SND1: variants seen among roughly 807,000 people sequenced by gnomAD.
The protein encoded by SND1 is staphylococcal nuclease and tudor domain containing 1.
SND1 carries 38 observed loss-of-function variants against 121.7 expected under a neutral mutation model. That is an observed-to-expected ratio of 0.31 (90% CI 0.24 to 0.41). SND1 has a LOEUF of 0.41. SND1 is among the 10% of genes least tolerant of loss of function. The probability of loss-of-function intolerance (pLI) is 1.00; values close to 1 mark genes in which losing one functional copy is unlikely to be tolerated. For missense variants in SND1, 868 were observed against 1,184.6 expected, an observed-to-expected ratio of 0.73 and a Z score of 3.92; for synonymous variants, 401 against 447.4, an observed-to-expected ratio of 0.90 and a Z score of 1.31.
chr7:127,844,840 A>C (rs1373254854), intron 12 of SND1, among the ~76,000 whole-genome samples: 1 of 152,210 alleles, frequency 6.6e-6, no homozygotes, highest in Non-Finnish European at 1.5e-5. Flanking sequence ...GTATGTAATC[A>C]GTAGACGATG....
Position 128,024,691 on chromosome 7 carries a change from A to G in SND1, c.1779+33635A>G, listed in dbSNP as rs139160040. On this transcript the variant is annotated intron_variant, in intron 16 of 23. Coordinates refer to ENST00000354725, the MANE Select transcript of SND1 (RefSeq NM_014390.4). ...GATAAAGCTAATGTCTCTAGGCCTT[A>G]GAAACTAGCCTATCTACCTTTACCT... Among the ~76,000 whole-genome samples, 471 of 152,360 alleles carry G rather than the reference A, an allele frequency of 3.1e-3. 3 individuals carry two copies. Among genetic ancestry groups the G allele is most frequent in the Middle Eastern group, 0.014 (4 of 294 alleles).
intron 3 of SND1, among the ~76,000 whole-genome samples, chr7:127,698,158 C>A (rs1014299860): frequency 2.0e-5 from 3 of 151,962 alleles, no homozygotes; most frequent in Non-Finnish European, 4.4e-5. Context: ...AGAAATCTAG[C>A]CTGTGTTCTC....
chr7:127,735,628 T>C (rs925926049), intron 10 of SND1, among the ~76,000 whole-genome samples: 2 of 152,076 alleles, frequency 1.3e-5, no homozygotes, highest in Non-Finnish European at 2.9e-5. Context: ...TTTTTTGTTG[T>C]TGTTGTTGTT....
intron 1 of SND1, among the ~76,000 whole-genome samples, chr7:127,664,113 C>T (rs1475263900): frequency 6.6e-6 from 1 of 152,200 alleles, no homozygotes; most frequent in African/African-American, 2.4e-5. Context: ...GCAGCCTCAG[C>T]CTGCCAGGCT....
intron 14 of SND1, among the ~76,000 whole-genome samples, chr7:127,911,968 T>TTC (rs1554442163): frequency 6.6e-6 from 1 of 152,004 alleles, no homozygotes; most frequent in African/African-American, 2.4e-5. Flanking sequence ...CATGGTTTGT[T>TTC]TCTCTCTCTC....
chr7:127,833,635 C>T (rs1798806140), intron 11 of SND1, among the ~76,000 whole-genome samples: 1 of 152,050 alleles, frequency 6.6e-6, no homozygotes, highest in Admixed American at 6.6e-5. Flanking sequence ...TGCCTCGCTC[C>T]TGCCGCTGTT....
intron 11 of SND1, among the ~76,000 whole-genome samples, chr7:127,825,113 TA>T (rs772185903): frequency 1.2e-4 from 19 of 152,296 alleles, no homozygotes; most frequent in African/African-American, 3.6e-4. Context: ...TTAAAACATA[TA>T]TTTTTTTTAA....
At chr7:128,041,827 T>A (rs1451694687) in intron 16 of SND1, among the ~76,000 whole-genome samples, 1 of 152,168 alleles carries the variant, frequency 6.6e-6, no homozygotes, top group East Asian at 1.9e-4. Context: ...CCAACACCAC[T>A]CCAAGCCATG....
At chr7:127,918,178 T>C (rs1383648137) in intron 14 of SND1, among the ~76,000 whole-genome samples, 1 of 151,618 alleles carries the variant, frequency 6.6e-6, no homozygotes, top group African/African-American at 2.4e-5. Context: ...GATTCTCATG[T>C]CTCCCGAGAA....
chr7:128,009,572 A>G (rs1347363050), intron 16 of SND1, among the ~76,000 whole-genome samples: 4 of 152,182 alleles, frequency 2.6e-5, no homozygotes, highest in African/African-American at 9.7e-5. Flanking sequence ...GGTTTATACA[A>G]CTGATTAATA....
chr7:128,046,046 C>T (rs1792940050), intron 16 of SND1, among the ~76,000 whole-genome samples: 1 of 152,180 alleles, frequency 6.6e-6, no homozygotes, highest in Non-Finnish European at 1.5e-5. Context: ...TTTCCTCCAC[C>T]CCAATGATTG....
chr7:127,867,677 T>C (rs1159251599), intron 12 of SND1, among the ~76,000 whole-genome samples: 8 of 152,328 alleles, frequency 5.3e-5, no homozygotes, highest in African/African-American at 1.9e-4. Flanking sequence ...GCTGTCAGTG[T>C]AGAATAACTC....
chr7:127,687,998 T>C (rs1795845598), intron 2 of SND1, among the ~76,000 whole-genome samples: 1 of 152,164 alleles, frequency 6.6e-6, no homozygotes, highest in Non-Finnish European at 1.5e-5. Context: ...TCCAGATTCT[T>C]AATCTGGGAT....
intron 16 of SND1, among the ~76,000 whole-genome samples, chr7:128,054,715 C>T (rs1027760793): frequency 2.6e-5 from 4 of 152,164 alleles, no homozygotes; most frequent in Admixed American, 6.5e-5. Flanking sequence ...CGGCTTTTCT[C>T]CCCACACATG....
intron 11 of SND1, among the ~76,000 whole-genome samples, chr7:127,832,396 A>G (rs1017034430): frequency 8.5e-5 from 13 of 152,196 alleles, no homozygotes; most frequent in South Asian, 4.1e-4. Flanking sequence ...CCACTTAGAG[A>G]AGCATGTGGA....
intron 1 of SND1, among the ~76,000 whole-genome samples, chr7:127,662,848 T>C (rs1795339323): frequency 6.6e-6 from 1 of 151,798 alleles, no homozygotes; most frequent in African/African-American, 2.4e-5. Flanking sequence ...TTGTATAACA[T>C]GGGATAGTAT....
intron 18 of SND1, among the ~76,000 whole-genome samples, chr7:128,083,947 G>A (rs996000764): frequency 1.3e-5 from 2 of 152,170 alleles, no homozygotes; most frequent in African/African-American, 4.8e-5. Flanking sequence ...CAGCAAATAA[G>A]CAGCAGGACC....
chr7:127,963,399 C>G (rs917048749), intron 15 of SND1, among the ~76,000 whole-genome samples: 1 of 139,652 alleles, frequency 7.2e-6, no homozygotes, highest in East Asian at 2.2e-4. Context: ...TGCTATCCCT[C>G]CCCCCTCCCC....
intron 16 of SND1, among the ~76,000 whole-genome samples, chr7:128,047,548 CAT>C (rs1263386303): frequency 3.3e-5 from 5 of 152,220 alleles, no homozygotes; most frequent in African/African-American, 1.2e-4. Flanking sequence ...AAAATAAACA[CAT>C]AGAATACAGA....
Sources: allele counts gnomAD v4.1 joint callset (sites outside exome capture counted in the v4.1 genomes callset), GRCh38; gene constraint gnomAD v4.1.1; transcripts MANE v1.5; gene names NCBI Gene and HGNC (gene_info 2026-07-23, HGNC 2026-07-21).